The following PTPRD variants were observed in gnomAD, a reference collection of about 807,000 sequenced individuals.
PTPRD encodes the protein receptor-type tyrosine-protein phosphatase delta.
A neutral mutation model predicts 214.5 loss-of-function variants in PTPRD; 34 were observed. The ratio of observed to expected loss-of-function variants is 0.16; its 90% CI spans 0.12 to 0.21. The LOEUF is 0.21. Among genes scored for constraint, PTPRD ranks in the 10% least tolerant of loss-of-function variants. PTPRD has a pLI of 1.00. For missense variants in PTPRD, 2,545 were observed against 2,398.7 expected, an observed-to-expected ratio of 1.06 and a Z score of -1.27; for synonymous variants, 1,128 against 845.7, an observed-to-expected ratio of 1.33 and a Z score of -5.79.
chr9:10,132,269 C>T (rs1787068818), intron 3 of PTPRD, among the ~76,000 whole-genome samples: 2 of 151,998 alleles, frequency 1.3e-5, no homozygotes, highest in South Asian at 4.1e-4. Context: ...TGCTTACATC[C>T]CACCACTTCA....
chr9:8,447,730 C>A (rs931060656), intron 34 of PTPRD, among the ~76,000 whole-genome samples: 1 of 152,050 alleles, frequency 6.6e-6, no homozygotes, highest in Non-Finnish European at 1.5e-5. Context: ...TTTGGGGGTA[C>A]CCTTGCCTTT....
rs186333920 is a variant in PTPRD at position 9,208,876 on chromosome 9, C to T, written c.-202-25513G>A. 7.5e-3 allele frequency among the ~76,000 whole-genome samples: 1,144 copies of T among 151,788 alleles called. 59 individuals carry two copies. Among genetic ancestry groups the T allele is most frequent in the Admixed American group, 0.07 (1,060 of 15,222 alleles). On this transcript the variant is annotated intron_variant, in intron 9 of 45. Transcript: ENST00000381196. ...AAGCTGGAGTACAGTGGCGCGATCC[C>T]GGCTCACTGCAAGCTCCACTTCCCG...
chr9:9,447,582 C>G (rs1332070821), intron 8 of PTPRD, among the ~76,000 whole-genome samples: 1 of 151,938 alleles, frequency 6.6e-6, no homozygotes, highest in African/African-American at 2.4e-5. Context: ...GGTTTAATAC[C>G]TGGCTGATGA....
chr9:8,317,232 C>A lies in PTPRD; in HGVS notation c.*642G>T, dbSNP rs1324616461. The A allele has an allele frequency of 4.3e-6, 1 of 231,252 alleles. No individual in the cohort carries two copies. Among genetic ancestry groups the A allele is most frequent in the Non-Finnish European group, 8.6e-6 (1 of 116,788 alleles). The allele number at this position is 231,252 out of a possible 1,614,324, so 14.3% of individuals were successfully genotyped here. A position where few individuals can be genotyped will look rare whatever the true frequency, so the allele number is the denominator to read the frequency against. ...ATAACAGTTCTACAGCTTAAAAAAA[C>A]CTACGATTTGGAAATAAAAAAATGA... is the stretch of plus-strand genomic sequence containing the variant. On this transcript the variant is annotated 3_prime_UTR_variant, in exon 46 of 46. Coordinates refer to ENST00000381196, the MANE Select transcript of PTPRD (RefSeq NM_002839.4).
At chr9:9,445,176 G>C (rs891836460) in intron 8 of PTPRD, among the ~76,000 whole-genome samples, 1 of 152,024 alleles carries the variant, frequency 6.6e-6, no homozygotes, top group Non-Finnish European at 1.5e-5. Context: ...ATAATAAATG[G>C]GTAGGTCAAA....
At chr9:9,891,030 T>C (rs1006206593) in intron 5 of PTPRD, among the ~76,000 whole-genome samples, 1 of 152,104 alleles carries the variant, frequency 6.6e-6, no homozygotes, top group Non-Finnish European at 1.5e-5. Flanking sequence ...TTCCCGTCTA[T>C]AAAAACCTTC....
chr9:10,222,596 A>G (rs531990510), intron 3 of PTPRD, among the ~76,000 whole-genome samples: 78 of 152,192 alleles, frequency 5.1e-4, no homozygotes, highest in African/African-American at 1.8e-3. Flanking sequence ...ATCCTTACCA[A>G]TATTGTATAA....
intron 37 of PTPRD, among the ~76,000 whole-genome samples, chr9:8,386,134 A>C (rs967686097): frequency 6.6e-6 from 1 of 152,214 alleles, no homozygotes; most frequent in Non-Finnish European, 1.5e-5. Flanking sequence ...ACCCTTCCGC[A>C]TAATCCAAAA....
At chr9:8,456,026 C>G (rs1411653305) in intron 33 of PTPRD, among the ~76,000 whole-genome samples, 3 of 152,154 alleles carry the variant, frequency 2.0e-5, no homozygotes, top group Non-Finnish European at 2.9e-5. Context: ...TTTATTGCAA[C>G]TCTTGCCAGC....
intron 26 of PTPRD, among the ~76,000 whole-genome samples, chr9:8,495,430 C>G (rs2097242063): frequency 1.3e-5 from 2 of 152,156 alleles, no homozygotes; most frequent in African/African-American, 4.8e-5. Flanking sequence ...ACTAAATTAG[C>G]AAAATAACTC....
chr9:9,534,268 A>G (rs2076078690), intron 8 of PTPRD, among the ~76,000 whole-genome samples: 1 of 152,116 alleles, frequency 6.6e-6, no homozygotes, highest in Admixed American at 6.6e-5. Flanking sequence ...ACATTTTAAG[A>G]GTATTATTTA....
At chr9:10,579,583 G>A (rs1050696353) in intron 2 of PTPRD, among the ~76,000 whole-genome samples, 4 of 152,108 alleles carry the variant, frequency 2.6e-5, no homozygotes, top group South Asian at 4.1e-4. Flanking sequence ...ACATATAAGC[G>A]CATGAGTGTT....
At chr9:9,784,914 A>G (rs2098908122) in intron 5 of PTPRD, among the ~76,000 whole-genome samples, 1 of 148,696 alleles carries the variant, frequency 6.7e-6, no homozygotes, top group Non-Finnish European at 1.5e-5. Flanking sequence ...TCTCTCCTAC[A>G]TTTTATCAAC....
chr9:9,232,674 A>G (rs2099963858), intron 9 of PTPRD, among the ~76,000 whole-genome samples: 1 of 152,100 alleles, frequency 6.6e-6, no homozygotes. Context: ...AGTTTTATAT[A>G]TTTATTTATT....
In PTPRD at chr9:8,523,498, A is replaced by G. The variant is rs1180571628; in HGVS notation, c.691+15T>C. The G allele has an allele frequency of 1.9e-6, 3 of 1,612,702 alleles. No individual in the cohort carries two copies. Among genetic ancestry groups the G allele is most frequent in the Non-Finnish European group, 2.5e-6 (3 of 1,179,226 alleles). On this transcript the variant is annotated intron_variant, in intron 19 of 45. Coordinates refer to ENST00000381196, the MANE Select transcript of PTPRD (RefSeq NM_002839.4). ...TAGTTTTGTAAGGTGGGTAAAAAGTAAAAAACACACCAACCTTCTCGCAGC... is the reference window on the plus strand; with the variant it reads ...TAGTTTTGTAAGGTGGGTAAAAAGTGAAAAACACACCAACCTTCTCGCAGC...
chr9:10,591,238 T>C (rs193019856), intron 2 of PTPRD, among the ~76,000 whole-genome samples: 3 of 151,914 alleles, frequency 2.0e-5, no homozygotes, highest in Admixed American at 2.0e-4. Context: ...TCTCTATTTA[T>C]ATTATTTTTT....
At chr9:9,938,748 T>G (rs2153960674) in intron 4 of PTPRD, 138 bp from the exon 5 acceptor site, 1 of 152,266 alleles carries the variant, frequency 6.6e-6, no homozygotes, top group Middle Eastern at 3.4e-3. Context: ...TATAAACTCT[T>G]CACCTCTATA....
intron 11 of PTPRD, among the ~76,000 whole-genome samples, chr9:9,002,599 T>C (rs1395687215): frequency 1.3e-5 from 2 of 152,116 alleles, no homozygotes; most frequent in Non-Finnish European, 2.9e-5. Context: ...AGGCCCTTTA[T>C]GATGTCTAAT....
At chr9:8,343,415 C>T (rs1386211241) in intron 39 of PTPRD, among the ~76,000 whole-genome samples, 1 of 151,990 alleles carries the variant, frequency 6.6e-6, no homozygotes, top group Non-Finnish European at 1.5e-5. Flanking sequence ...ACAGAGAGTC[C>T]TACAAATGAT....
Sources: allele counts gnomAD v4.1 joint callset (sites outside exome capture counted in the v4.1 genomes callset), GRCh38; gene constraint gnomAD v4.1.1; transcripts MANE v1.5; gene names NCBI Gene and HGNC (gene_info 2026-07-23, HGNC 2026-07-21).